VEGFC: variants seen among roughly 807,000 people sequenced by gnomAD.
VEGFC encodes the protein FLT4 ligand DHM.
In VEGFC, 12 loss-of-function variants were observed where a neutral mutation model predicts 46.1. That is an observed-to-expected ratio of 0.26 (90% CI 0.17 to 0.42). VEGFC has a LOEUF of 0.42. Ranked by LOEUF, VEGFC falls within the 10% of genes least tolerant of loss-of-function variation. The probability of loss-of-function intolerance (pLI) is 1.00; values close to 1 mark genes in which losing one functional copy is unlikely to be tolerated. For missense variants in VEGFC, 488 were observed against 529.4 expected (o/e 0.92, Z 0.77); for synonymous variants, 232 against 195.5 (o/e 1.19, Z -1.56).
chr4:176,693,099 T>C (rs147394040), intron 4 of VEGFC, among the ~76,000 whole-genome samples: 34,887 of 151,736 alleles, frequency 0.23, 6,640 homozygotes, highest in African/African-American at 0.52. Context: ...CACAGTTCCT[T>C]ACCAGCAATG....
chr4:176,687,166 T>C (rs1363227264), intron 6 of VEGFC, 21 bp downstream of exon 6: 10 of 1,589,886 alleles, frequency 6.3e-6, no homozygotes, highest in Non-Finnish European at 8.5e-6. Context: ...TAAATTAATA[T>C]TCTTCATGAG....
At chr4:176,698,794 G>A (rs1440593179) in intron 4 of VEGFC, among the ~76,000 whole-genome samples, 1 of 151,878 alleles carries the variant, frequency 6.6e-6, no homozygotes, top group Non-Finnish European at 1.5e-5. Flanking sequence ...CCATATATAA[G>A]GGAGATCAGT....
At chr4:176,768,085 G>T (rs774946376) in intron 1 of VEGFC, among the ~76,000 whole-genome samples, 4 of 152,168 alleles carry the variant, frequency 2.6e-5, no homozygotes, top group Non-Finnish European at 4.4e-5. Flanking sequence ...GTTAGGGAAG[G>T]CTATAGGTAG....
At chr4:176,752,866 G>A (rs1025619702) in intron 1 of VEGFC, among the ~76,000 whole-genome samples, 1 of 152,024 alleles carries the variant, frequency 6.6e-6, no homozygotes, top group Admixed American at 6.6e-5. Flanking sequence ...GTTGCTATTT[G>A]TGAAGTCTGC....
chr4:176,695,554 G>A (rs947394316), intron 4 of VEGFC, among the ~76,000 whole-genome samples: 23 of 151,068 alleles, frequency 1.5e-4, no homozygotes, highest in African/African-American at 5.6e-4. Flanking sequence ...AGAGGTACAA[G>A]GAGGAACTGG....
Position 176,790,944 on chromosome 4 carries a change from A to G in VEGFC, c.147+1221T>C, listed in dbSNP as rs759663941. Among the ~76,000 whole-genome samples, 34 of 152,200 alleles carry G rather than the reference A, an allele frequency of 2.2e-4. 1 individual carries two copies. The highest frequency in any genetic ancestry group is 8.0e-4 in the African/African-American group (33 of 41,446). On this transcript the variant is annotated intron_variant, in intron 1 of 6. Coordinates refer to ENST00000618562, the MANE Select transcript of VEGFC (RefSeq NM_005429.5). ...TTCATGTATATTGTTTTTACTCAAG[A>G]GGCATTCCTTTAACCCCTATATTAA...
intron 1 of VEGFC, among the ~76,000 whole-genome samples, chr4:176,739,240 T>C (rs1162541169): frequency 1.3e-5 from 2 of 151,604 alleles, no homozygotes; most frequent in African/African-American, 2.4e-5. Flanking sequence ...TGAAAGACAG[T>C]GTGGTGATTC....
chr4:176,722,498 T>TG (rs1734805554), intron 3 of VEGFC, among the ~76,000 whole-genome samples: 1 of 143,372 alleles, frequency 7.0e-6, no homozygotes, highest in Non-Finnish European at 1.5e-5. Context: ...GTTTTTTTTT[T>TG]GTTTTTTTTT....
chr4:176,773,490 G>C (rs1322373116), intron 1 of VEGFC, among the ~76,000 whole-genome samples: 1 of 152,122 alleles, frequency 6.6e-6, no homozygotes, highest in East Asian at 1.9e-4. Context: ...TTTACAATTT[G>C]ATCATACCTA....
chr4:176,789,046 G>A (rs1431517140), intron 1 of VEGFC, among the ~76,000 whole-genome samples: 1 of 152,144 alleles, frequency 6.6e-6, no homozygotes, highest in Non-Finnish European at 1.5e-5. Context: ...ACTGCCAAAG[G>A]CAAGCAGGCA....
chr4:176,746,751 T>C (rs1460322473), intron 1 of VEGFC, among the ~76,000 whole-genome samples: 3 of 152,070 alleles, frequency 2.0e-5, no homozygotes, highest in East Asian at 1.9e-4. Context: ...GATTGCCATA[T>C]TAAATTCACA....
intron 3 of VEGFC, among the ~76,000 whole-genome samples, chr4:176,725,199 T>C (rs1294582730): frequency 6.6e-5 from 10 of 152,232 alleles, no homozygotes; most frequent in African/African-American, 2.4e-4. Flanking sequence ...TGTACAGCTA[T>C]GATATGTCAA....
intron 1 of VEGFC, among the ~76,000 whole-genome samples, chr4:176,790,285 T>A (rs948973470): frequency 1.3e-5 from 2 of 152,152 alleles, no homozygotes; most frequent in Non-Finnish European, 2.9e-5. Context: ...TGATGTTTCA[T>A]CACATAGGAA....
chr4:176,784,229 C>T (rs1735963081), intron 1 of VEGFC, among the ~76,000 whole-genome samples: 1 of 151,758 alleles, frequency 6.6e-6, no homozygotes, highest in Non-Finnish European at 1.5e-5. Context: ...TCACCATGCC[C>T]AGTTAATTTT....
chr4:176,695,363 A>G (rs1274184222), intron 4 of VEGFC, among the ~76,000 whole-genome samples: 5 of 151,910 alleles, frequency 3.3e-5, no homozygotes, highest in Non-Finnish European at 7.4e-5. Flanking sequence ...CTATGCAAAT[A>G]AACTAGAAAA....
intron 4 of VEGFC, among the ~76,000 whole-genome samples, chr4:176,699,390 TA>T (rs1248371954): frequency 2.6e-5 from 4 of 152,216 alleles, no homozygotes; most frequent in Non-Finnish European, 5.9e-5. Flanking sequence ...CTGACTCCAT[TA>T]ACAATCTTGA....
chr4:176,753,366 G>A (rs553996358), intron 1 of VEGFC, among the ~76,000 whole-genome samples: 8 of 151,990 alleles, frequency 5.3e-5, no homozygotes, highest in East Asian at 3.9e-4. Context: ...AATTCCTCAC[G>A]CATGAGTCCA....
At chr4:176,787,296 A>G (rs1736019374) in intron 1 of VEGFC, among the ~76,000 whole-genome samples, 1 of 151,958 alleles carries the variant, frequency 6.6e-6, no homozygotes, top group Non-Finnish European at 1.5e-5. Flanking sequence ...CTCTCTATGA[A>G]AAATACAAAA....
chr4:176,718,516 C>T (rs1016822799), intron 3 of VEGFC, among the ~76,000 whole-genome samples: 1 of 151,966 alleles, frequency 6.6e-6, no homozygotes, highest in Non-Finnish European at 1.5e-5. Context: ...ATTGATTGCT[C>T]ATATTATTGC....
Sources: gnomAD v4.1 joint callset for allele counts (sites outside exome capture counted in the v4.1 genomes callset) on GRCh38, gnomAD v4.1.1 for gene constraint, MANE v1.5 for transcripts, NCBI Gene and HGNC (gene_info 2026-07-23, HGNC 2026-07-21) for gene names.